The following GRM4 variants were observed in gnomAD, a reference collection of about 807,000 sequenced individuals.
GRM4 encodes glutamate metabotropic receptor 4, also known as metabotropic glutamate receptor 4.
Under a neutral mutation model 81.7 loss-of-function variants are expected in GRM4, and 28 were observed. That is an observed-to-expected ratio of 0.34 (90% CI 0.25 to 0.47). The LOEUF (loss-of-function observed/expected upper bound fraction) is 0.47, where lower values mean the gene tolerates loss of function less well. GRM4 is among the 20% of genes least tolerant of loss of function. The pLI is 1.00. For missense variants in GRM4, 948 were observed against 1,290.0 expected (o/e 0.73, Z 4.06); for synonymous variants, 488 against 528.8 (o/e 0.92, Z 1.06).
rs1763801217 is a variant in GRM4 at position 34,019,654 on chromosome 6, G to T, written c.*3167C>A. ...CATTGAGGAGGCTGAGGCCACGGGGGTGAGCACATACCCCCTGCACACAGC... is the reference window on the plus strand; with the variant it reads ...CATTGAGGAGGCTGAGGCCACGGGGTTGAGCACATACCCCCTGCACACAGC... On this transcript the variant is annotated 3_prime_UTR_variant, in exon 11 of 11. Transcript: ENST00000538487. The T allele has an allele frequency of 1.3e-5, 2 of 152,300 alleles. No individual in the cohort carries two copies. The highest frequency in any genetic ancestry group is 3.4e-3 in the Middle Eastern group (1 of 294). 9.4% of individuals were successfully genotyped at this position (152,300 alleles called of 1,614,324 possible).
chr6:34,092,248 C>A lies in GRM4; in HGVS notation c.520-149G>T. 1 of 611,066 alleles carries A rather than the reference C, an allele frequency of 1.6e-6. No homozygotes were observed. The highest frequency in any genetic ancestry group is 2.9e-6 in the Non-Finnish European group (1 of 346,158). 37.9% of individuals were successfully genotyped at this position (611,066 alleles called of 1,614,324 possible). A position where few individuals can be genotyped will look rare whatever the true frequency, so the allele number is the denominator to read the frequency against. The stretch of plus-strand genomic sequence containing the variant: ...CTCCCCATGGGCGATGCCTCCTCCT[C>A]CAGAAAGTCTCCCAACCGGCCTCCC... On this transcript the variant is annotated intron_variant, in intron 2 of 10. Transcript: ENST00000538487. The surrounding 1 kb of genome is among the most constrained non-coding windows in gnomAD (Gnocchi z 6.8).
At chr6:34,125,182 C>T (rs527714172) in intron 2 of GRM4, among the ~76,000 whole-genome samples, 1 of 152,308 alleles carries the variant, frequency 6.6e-6, no homozygotes, top group South Asian at 2.1e-4. Context: ...ACCGTGTTCA[C>T]CAGGATGGTC....
Position 34,115,669 on chromosome 6 carries a change from TG to T in GRM4, c.519+17308del, listed in dbSNP as rs1467581923. On this transcript the variant is annotated intron_variant, in intron 2 of 10. Transcript: ENST00000538487. The surrounding 1 kb of genome is among the most constrained non-coding windows in gnomAD (Gnocchi z 4.1). ...AAAGGGGCCCTGGGACAAGCCTTGCTGGGTTTTGGGCCCAACTCCAATCCTC... is the reference window on the plus strand; with the variant it reads ...AAAGGGGCCCTGGGACAAGCCTTGCTGGTTTTGGGCCCAACTCCAATCCTC... 6.6e-6 allele frequency among the ~76,000 whole-genome samples: 1 copy of T among 152,210 alleles called. No homozygotes were observed. The highest frequency in any genetic ancestry group is 1.9e-4 in the East Asian group (1 of 5,190).
chr6:34,104,513 C>T (rs1769019714), intron 2 of GRM4, among the ~76,000 whole-genome samples: 1 of 152,168 alleles, frequency 6.6e-6, no homozygotes, highest in South Asian at 2.1e-4. Flanking sequence ...AAATGGAGGC[C>T]CAAGAATACA....
Position 34,064,373 on chromosome 6 carries a change from T to G in GRM4, c.737-2345A>C, listed in dbSNP as rs1766340732. Among the ~76,000 whole-genome samples the G allele has an allele frequency of 6.6e-6, 1 of 152,182 alleles. No individual in the cohort carries two copies. Among genetic ancestry groups the G allele is most frequent in the African/African-American group, 2.4e-5 (1 of 41,430 alleles). On this transcript the variant is annotated intron_variant, in intron 3 of 10. Transcript: ENST00000538487. This position sits in a 1 kb window ranked among gnomAD's most constrained non-coding sequence, Gnocchi z 4.4. ...GAAATTGAGGCACAGAGAGGTTAAG[T>G]AGCTTCCCCAGGATCACAAAGATAG...
chr6:34,103,358 C>T (rs1768939856), intron 2 of GRM4, among the ~76,000 whole-genome samples: 1 of 152,102 alleles, frequency 6.6e-6, no homozygotes, highest in African/African-American at 2.4e-5. Flanking sequence ...AAAAGAGGGG[C>T]CCGATAAGGC....
intron 2 of GRM4, chr6:34,100,080 G>T (rs964643200): frequency 7.1e-6 from 7 of 981,018 alleles, no homozygotes; most frequent in Non-Finnish European, 8.5e-6. Flanking sequence ...CTGAGCATCT[G>T]GTCACTCTGG....
chr6:34,149,430 G>A (rs1771002876), upstream of GRM4, among the ~76,000 whole-genome samples: 1 of 152,236 alleles, frequency 6.6e-6, no homozygotes, highest in Non-Finnish European at 1.5e-5. Flanking sequence ...GACATTTTCA[G>A]GATGAAGAGC....
intron 2 of GRM4, among the ~76,000 whole-genome samples, chr6:34,109,086 C>T (rs1410135803): frequency 4.6e-5 from 7 of 152,356 alleles, no homozygotes; most frequent in African/African-American, 1.7e-4. Flanking sequence ...CAGCAGCTGA[C>T]TGAAGCCTAG....
intron 2 of GRM4, among the ~76,000 whole-genome samples, chr6:34,122,385 G>T (rs577268460): frequency 1.3e-5 from 2 of 151,954 alleles, no homozygotes; most frequent in African/African-American, 4.8e-5. Context: ...TCCCCTCCCC[G>T]CAACAGCGCT....
chr6:34,111,520 C>T lies in GRM4; in HGVS notation c.520-19421G>A, dbSNP rs1476079300. 3.9e-5 allele frequency among the ~76,000 whole-genome samples: 6 copies of T among 152,248 alleles called. No homozygotes were observed. Among genetic ancestry groups the T allele is most frequent in the Admixed American group, 2.6e-4 (4 of 15,286 alleles). On this transcript the variant is annotated intron_variant, in intron 2 of 10. Coordinates refer to ENST00000538487, the MANE Select transcript of GRM4 (RefSeq NM_000841.4). The surrounding 1 kb of genome is among the most constrained non-coding windows in gnomAD (Gnocchi z 5.1). ...CCCCTGATCTTGCCATCCTGCCCAGCTGCCCATCAAGCAGCTGGAACTCTT... is the reference window on the plus strand; with the variant it reads ...CCCCTGATCTTGCCATCCTGCCCAGTTGCCCATCAAGCAGCTGGAACTCTT...
intron 3 of GRM4, among the ~76,000 whole-genome samples, chr6:34,077,944 C>T (rs1767401821): frequency 6.6e-6 from 1 of 151,722 alleles, no homozygotes; most frequent in Admixed American, 6.6e-5. Context: ...CCTCTGACTC[C>T]AGCAGTGGCC....
intron 3 of GRM4, among the ~76,000 whole-genome samples, chr6:34,066,220 T>C (rs759960127): frequency 1.3e-5 from 2 of 151,974 alleles, no homozygotes; most frequent in Non-Finnish European, 2.9e-5. Context: ...CCCCGGCACG[T>C]GGGCACAGGA....
At chr6:34,103,671 C>T in intron 2 of GRM4, 1 of 1,535,468 alleles carries the variant, frequency 6.5e-7, no homozygotes, top group Non-Finnish European at 8.7e-7. Context: ...GGGCAGAGGC[C>T]CAGCAAGGAG....
At chr6:34,144,052 G>A (rs1201119874) in intron 1 of GRM4, among the ~76,000 whole-genome samples, 1 of 152,232 alleles carries the variant, frequency 6.6e-6, no homozygotes, top group Non-Finnish European at 1.5e-5. Flanking sequence ...CCAGGGGCCG[G>A]CAATGGTGCG....
rs745478278 is a variant in GRM4 at position 34,056,642 on chromosome 6, C to T, written c.1070G>A (p.Arg357Gln). Residue 357 changes from arginine to glutamine, a missense_variant, in exon 6 of 11, where the codon CGG becomes CAG. Transcript: ENST00000538487. Reference sequence around the variant, plus strand: ...GAACTCGGCAAACCAGATGTTGCGCCGGTTGTTGTCCAGCGTGCGGCTGGA... The same window carrying T: ...GAACTCGGCAAACCAGATGTTGCGCTGGTTGTTGTCCAGCGTGCGGCTGGA... ...YFSSRTLDNN[R>Q]RNIWFAEFWE... The T allele has an allele frequency of 6.2e-7, 1 of 1,613,790 alleles. No individual in the cohort carries two copies. The highest frequency in any genetic ancestry group is 1.3e-5 in the African/African-American group (1 of 74,940).
intron 6 of GRM4, 50 bp downstream of exon 6, chr6:34,056,493 TC>T (rs1477755315): frequency 2.6e-6 from 4 of 1,540,214 alleles, no homozygotes. Context: ...GGCTCGGCCC[TC>T]CCCGGCTCCT....
intron 3 of GRM4, among the ~76,000 whole-genome samples, chr6:34,087,434 A>C (rs1380169999): frequency 1.3e-5 from 2 of 150,948 alleles, no homozygotes; most frequent in African/African-American, 4.9e-5. Context: ...AAAAAAAAAA[A>C]AGCCTGCCAC....
intron 2 of GRM4, among the ~76,000 whole-genome samples, chr6:34,108,008 C>A (rs554876500): frequency 1.1e-3 from 169 of 152,290 alleles, no homozygotes; most frequent in African/African-American, 3.7e-3. Context: ...TGAGTGGTTC[C>A]CCTCTGGGCC....
Sources: gnomAD v4.1 joint callset for allele counts (sites outside exome capture counted in the v4.1 genomes callset) on GRCh38, gnomAD v4.1.1 for gene constraint, Gnocchi (gnomAD v3.1) non-coding constraint, MANE v1.5 for transcripts, NCBI Gene and HGNC (gene_info 2026-07-23, HGNC 2026-07-21) for gene names.